Variants in CNTLN observed in about 807,000 individuals in gnomAD.
The protein encoded by CNTLN is centlein.
Under a neutral mutation model 180.0 loss-of-function variants are expected in CNTLN, and 212 were observed. The observed-to-expected ratio is 1.18, with a 90% confidence interval of 1.05 to 1.32. The LOEUF (loss-of-function observed/expected upper bound fraction) is 1.32, where lower values mean the gene tolerates loss of function less well. Ranked by LOEUF, CNTLN falls within the 40% of genes most tolerant of loss-of-function variation. The probability of loss-of-function intolerance (pLI) is 0.00; values close to 1 mark genes in which losing one functional copy is unlikely to be tolerated. For missense variants in CNTLN, 2,095 were observed against 1,610.9 expected (o/e 1.30, Z -5.14); for synonymous variants, 722 against 563.1 (o/e 1.28, Z -3.99).
At chr9:17,471,216 C>T (rs1416566648) in intron 23 of CNTLN, among the ~76,000 whole-genome samples, 1 of 151,914 alleles carries the variant, frequency 6.6e-6, no homozygotes, top group Non-Finnish European at 1.5e-5. Flanking sequence ...CAGAGTCTTT[C>T]AGCCACGAAT....
At chr9:17,465,066 G>C (rs17831787) in intron 21 of CNTLN, among the ~76,000 whole-genome samples, 1,800 of 150,612 alleles carry the variant, frequency 0.012, 12 homozygotes, top group Non-Finnish European at 0.018. Flanking sequence ...TACATGCAAA[G>C]GGAGTTGTAG....
In CNTLN at chr9:17,135,409, A is replaced by C; in HGVS notation, c.344A>C (p.Glu115Ala). Reference sequence around the variant, plus strand: ...GAAGAGCTGAGCAGCCTAAAGGAGGAGTTGGCCCTGTGTCAGGTATCGAGG... The same window carrying C: ...GAAGAGCTGAGCAGCCTAAAGGAGGCGTTGGCCCTGTGTCAGGTATCGAGG... ...LEEELSSLKE[E>A]LALCQADKEF... Residue 115 changes from glutamate to alanine, a missense_variant, in exon 1 of 26, where the codon GAG (glutamate) becomes GCG (alanine). Glu to Ala is a moderately radical substitution (Grantham distance 107, BLOSUM62 -1). Transcript: ENST00000380647. The C allele has an allele frequency of 6.3e-7, 1 of 1,597,192 alleles. No homozygotes were observed. Among genetic ancestry groups the C allele is most frequent in the Non-Finnish European group, 8.5e-7 (1 of 1,173,130 alleles).
chr9:17,152,878 C>T (rs1818988889), intron 2 of CNTLN, among the ~76,000 whole-genome samples: 1 of 151,852 alleles, frequency 6.6e-6, no homozygotes, highest in South Asian at 2.1e-4. Context: ...GGATAGTTCA[C>T]TCTTGCTGCA....
intron 5 of CNTLN, among the ~76,000 whole-genome samples, chr9:17,246,017 C>G (rs1222178410): frequency 6.6e-6 from 1 of 152,092 alleles, no homozygotes; most frequent in Non-Finnish European, 1.5e-5. Context: ...ATATCTGTGT[C>G]TCTCCACGAT....
intron 1 of CNTLN, 79 bp from the exon 2 acceptor site, chr9:17,143,209 C>T: frequency 2.0e-6 from 2 of 991,148 alleles, no homozygotes. Context: ...ATTGTTTTTT[C>T]ATTTTAAAAT....
At chr9:17,353,745 G>A (rs547381106) in intron 12 of CNTLN, among the ~76,000 whole-genome samples, 1 of 151,998 alleles carries the variant, frequency 6.6e-6, no homozygotes, top group Admixed American at 6.5e-5. Flanking sequence ...GATTACAGGC[G>A]TGTGCCACTG....
In CNTLN at chr9:17,236,472, G is replaced by A; in HGVS notation, c.733G>A (p.Glu245Lys). 2 of 1,613,702 alleles carry A rather than the reference G, an allele frequency of 1.2e-6. No homozygotes were observed. The highest frequency in any genetic ancestry group is 2.2e-5 in the East Asian group (1 of 44,860). ...CAGACTAGTTATAAAAAATCTGGAG[G>A]AGGAAAACAAGAAATTAAGTACCCG... The part of the protein sequence containing the change: ...QNRLVIKNLE[E>K]ENKKLSTRCT... The change falls in exon 5 of 26, where the codon GAG becomes AAG. Residue 245 changes from glutamate to lysine, a missense_variant. Transcript: ENST00000380647.
the CNTLN span, among the ~76,000 whole-genome samples, chr9:17,519,348 T>G: frequency 1.3e-5 from 2 of 152,106 alleles, no homozygotes; most frequent in African/African-American, 4.8e-5. Context: ...TCTTTTCTCC[T>G]TACTTTTAAT....
rs1254296617 is a variant in CNTLN at position 17,332,709 on chromosome 9, A to C, written c.1623A>C (p.Leu541Phe). The C allele has an allele frequency of 6.2e-7, 1 of 1,604,132 alleles. No individual in the cohort carries two copies. The highest frequency in any genetic ancestry group is 2.2e-5 in the East Asian group (1 of 44,630). ...LRKAERKIENLEKALQLKSQE... is the reference protein window; with the variant it reads ...LRKAERKIENFEKALQLKSQE... ...AAGCTGAAAGAAAGATTGAAAACTT[A>C]GAGAAGGCACTACAACTAAAGGTGA... Residue 541 changes from leucine (L) to phenylalanine (F), a missense_variant, in exon 10 of 26, where the codon TTA (leucine) becomes TTC (phenylalanine). Transcript: ENST00000380647.
At chr9:17,501,396 G>A (rs1833747809) in intron 25 of CNTLN, among the ~76,000 whole-genome samples, 1 of 152,170 alleles carries the variant, frequency 6.6e-6, no homozygotes, top group Non-Finnish European at 1.5e-5. Context: ...TGGCTAATGT[G>A]GTCTATTTGT....
intron 5 of CNTLN, among the ~76,000 whole-genome samples, chr9:17,255,362 C>T (rs1001197642): frequency 1.3e-4 from 19 of 151,670 alleles, no homozygotes; most frequent in African/African-American, 4.6e-4. Context: ...TAGCTTCCTT[C>T]TATTCCTAGT....
chr9:17,295,803 G>C (rs929544990), intron 6 of CNTLN, among the ~76,000 whole-genome samples: 1 of 152,076 alleles, frequency 6.6e-6, no homozygotes, highest in Non-Finnish European at 1.5e-5. Context: ...TGTGTGGGGC[G>C]ATAGAAATAA....
At chr9:17,242,483 C>CT (rs1414439883) in intron 5 of CNTLN, among the ~76,000 whole-genome samples, 1 of 151,980 alleles carries the variant, frequency 6.6e-6, no homozygotes, top group Admixed American at 6.5e-5. Flanking sequence ...GCTGATGTTT[C>CT]TTTTTTTAGT....
At chr9:17,225,520 C>T (rs966209536) in intron 2 of CNTLN, among the ~76,000 whole-genome samples, 1 of 151,992 alleles carries the variant, frequency 6.6e-6, no homozygotes, top group African/African-American at 2.4e-5. Flanking sequence ...TCAATTTCCC[C>T]TTATTTATAA....
At chr9:17,513,161 T>G in the CNTLN span, among the ~76,000 whole-genome samples, 1 of 152,234 alleles carries the variant, frequency 6.6e-6, no homozygotes, top group East Asian at 1.9e-4. Flanking sequence ...GGACATAAAT[T>G]AAAAGAAAAA....
At chr9:17,281,825 A>C (rs1419437789) in intron 6 of CNTLN, among the ~76,000 whole-genome samples, 1 of 152,188 alleles carries the variant, frequency 6.6e-6, no homozygotes, top group Non-Finnish European at 1.5e-5. Flanking sequence ...TTGCTGGGTC[A>C]AATGGTGTTT....
At position 17,405,827 on chromosome 9, in the gene CNTLN, T is replaced by C. The variant is rs373328463; in HGVS notation, c.2616-3466T>C. On this transcript the variant is annotated intron_variant, in intron 15 of 25. Coordinates refer to ENST00000380647, the MANE Select transcript of CNTLN (RefSeq NM_017738.4). ...TTTTTAGATGGAGTTTTGCTCCTGT[T>C]GCCCTGGCTGGAGTGCAGTGGCGTG... Among the ~76,000 whole-genome samples the C allele has an allele frequency of 1.8e-4, 27 of 151,834 alleles. No homozygotes were observed. The East Asian group carries it at 2.3e-3, about 13-fold the overall frequency.
At chr9:17,464,385 A>G (rs1047362145) in intron 20 of CNTLN, 112 bp from the exon 21 acceptor site, 13 of 838,100 alleles carry the variant, frequency 1.6e-5, no homozygotes, top group Admixed American at 5.8e-5. Context: ...CAGTGTCAAT[A>G]TCACGTAGCA....
chr9:17,440,588 C>CAAAAAAAAAAAAAAAAAAAAAAAA (rs35350865), intron 18 of CNTLN, among the ~76,000 whole-genome samples: 2 of 114,634 alleles, frequency 1.7e-5, no homozygotes, highest in African/African-American at 7.2e-5. Flanking sequence ...GACTCCGTCT[C>CAAAAAAAAAAAAAAAAAAAAAAAA]AAAAAAAAAA....
Sources: allele counts gnomAD v4.1 joint callset (sites outside exome capture counted in the v4.1 genomes callset), GRCh38; gene constraint gnomAD v4.1.1; transcripts MANE v1.5; gene names NCBI Gene and HGNC (gene_info 2026-07-23, HGNC 2026-07-21).